Variants in SLC22A24 observed in about 807,000 individuals in gnomAD.
SLC22A24 encodes the protein steroid transmembrane transporter SLC22A24.
Under a neutral mutation model 49.8 loss-of-function variants are expected in SLC22A24, and 53 were observed. The ratio of observed to expected loss-of-function variants is 1.06; its 90% CI spans 0.85 to 1.34. The LOEUF is 1.34. SLC22A24 is among the 40% of genes most tolerant of loss of function. The pLI is 0.00. For synonymous variants in SLC22A24, 302 were observed against 256.4 expected, an observed-to-expected ratio of 1.18 and a Z score of -1.70; for missense variants, 786 against 675.9, an observed-to-expected ratio of 1.16 and a Z score of -1.81.
intron 5 of SLC22A24, among the ~76,000 whole-genome samples, chr11:63,102,535 G>A (rs572864529): frequency 4.8e-4 from 73 of 152,228 alleles, no homozygotes; most frequent in African/African-American, 1.7e-3. Context: ...GGGTTGACAG[G>A]TGATCTGCCA....
At chr11:63,118,789 G>T in intron 4 of SLC22A24, 123 bp downstream of exon 4, 1 of 980,040 alleles carries the variant, frequency 1.0e-6, no homozygotes, top group South Asian at 1.4e-5. Flanking sequence ...GACACAATAG[G>T]TACTATGGAC....
chr11:63,124,730 A>G (rs1431602237), intron 2 of SLC22A24, among the ~76,000 whole-genome samples: 1 of 152,132 alleles, frequency 6.6e-6, no homozygotes, highest in African/African-American at 2.4e-5. Flanking sequence ...AAACATTTCA[A>G]ATTAAAATGT....
At chr11:63,121,217 G>T (rs1444241611) in intron 2 of SLC22A24, among the ~76,000 whole-genome samples, 1 of 152,012 alleles carries the variant, frequency 6.6e-6, no homozygotes. Flanking sequence ...TGGTAATATG[G>T]GAAACTTTGT....
chr11:63,083,203 G>A, intron 7 of SLC22A24, 40 bp downstream of exon 7: 1 of 1,484,274 alleles, frequency 6.7e-7, no homozygotes, highest in African/African-American at 1.4e-5. Context: ...TGGAGAATGG[G>A]GGTAACTACT....
At chr11:63,095,015 G>A in intron 6 of SLC22A24, among the ~76,000 whole-genome samples, 1 of 152,110 alleles carries the variant, frequency 6.6e-6, no homozygotes, top group Admixed American at 6.6e-5. Flanking sequence ...TTTGGCTTTT[G>A]TTGCCATTGC....
intron 1 of SLC22A24, among the ~76,000 whole-genome samples, 197 bp from the exon 2 acceptor site, chr11:63,134,965 A>G (rs760334326): frequency 1.3e-5 from 2 of 152,074 alleles, no homozygotes; most frequent in Non-Finnish European, 2.9e-5. Context: ...CAACTTTTCA[A>G]ATGCATCTGT....
intron 6 of SLC22A24, among the ~76,000 whole-genome samples, chr11:63,094,908 C>A (rs10792386): frequency 0.76 from 115,589 of 151,898 alleles, 44,740 homozygotes; most frequent in East Asian, 0.9. Context: ...TAGGTTGCAA[C>A]AATTTTCTCC....
chr11:63,122,395 C>T (rs1350515975), intron 2 of SLC22A24, among the ~76,000 whole-genome samples: 1 of 152,138 alleles, frequency 6.6e-6, no homozygotes, highest in Non-Finnish European at 1.5e-5. Context: ...GAGGATTATC[C>T]TTTCATTATG....
chr11:63,105,654 G>T (rs1308191193), intron 4 of SLC22A24, among the ~76,000 whole-genome samples: 4 of 152,090 alleles, frequency 2.6e-5, no homozygotes, highest in Non-Finnish European at 4.4e-5. Flanking sequence ...ACACAGCAGG[G>T]GTCCCTTGGT....
At chr11:63,114,248 A>G (rs535741815) in intron 4 of SLC22A24, among the ~76,000 whole-genome samples, 16 of 152,206 alleles carry the variant, frequency 1.1e-4, no homozygotes, top group African/African-American at 3.6e-4. Context: ...TATTTCTTAG[A>G]AGCTTTGTTC....
chr11:63,111,060 G>A (rs947852196), intron 4 of SLC22A24, among the ~76,000 whole-genome samples: 157 of 151,986 alleles, frequency 1.0e-3, no homozygotes, highest in Non-Finnish European at 1.3e-3. Flanking sequence ...TAGCATGAAG[G>A]GTTGTTGAAT....
intron 4 of SLC22A24, among the ~76,000 whole-genome samples, chr11:63,111,276 T>G (rs1414400241): frequency 6.6e-6 from 1 of 152,016 alleles, no homozygotes; most frequent in Admixed American, 6.6e-5. Context: ...GATATTTGCA[T>G]CAATGTTCAT....
At chr11:63,092,627 C>A (rs529427673) in intron 6 of SLC22A24, among the ~76,000 whole-genome samples, 28 of 147,908 alleles carry the variant, frequency 1.9e-4, no homozygotes, top group African/African-American at 6.6e-4. Flanking sequence ...GCTGGGAAAA[C>A]TGGCTATCTT....
chr11:63,105,058 C>G (rs1565328539), intron 4 of SLC22A24, among the ~76,000 whole-genome samples: 2 of 152,234 alleles, frequency 1.3e-5, no homozygotes, highest in African/African-American at 2.4e-5. Flanking sequence ...CAAAATCCAG[C>G]AGGGCAGTCA....
At chr11:63,127,239 G>A (rs756373559) in intron 2 of SLC22A24, among the ~76,000 whole-genome samples, 52 of 151,932 alleles carry the variant, frequency 3.4e-4, no homozygotes, top group Non-Finnish European at 4.4e-4. Flanking sequence ...TTTGGCTTTC[G>A]GTCCTTGTGA....
intron 4 of SLC22A24, among the ~76,000 whole-genome samples, chr11:63,107,194 T>G (rs2087127352): frequency 6.6e-6 from 1 of 152,254 alleles, no homozygotes; most frequent in Non-Finnish European, 1.5e-5. Context: ...AGGGGATCTT[T>G]TCCCCATTTC....
At chr11:63,081,213 C>A (rs2086958185) in intron 8 of SLC22A24, 90 bp from the exon 9 acceptor site, 1 of 1,105,370 alleles carries the variant, frequency 9.0e-7, no homozygotes, top group Non-Finnish European at 1.3e-6. Flanking sequence ...GGGACCAGTA[C>A]AACAGAGTTA....
At chr11:63,136,486 G>A (rs1236402595) in intron 1 of SLC22A24, among the ~76,000 whole-genome samples, 3 of 152,218 alleles carry the variant, frequency 2.0e-5, no homozygotes, top group East Asian at 1.9e-4. Context: ...ATTCGGCTAC[G>A]AAGTTGTGCC....
intron 6 of SLC22A24, among the ~76,000 whole-genome samples, chr11:63,091,383 G>A (rs1590730007): frequency 2.0e-5 from 3 of 152,240 alleles, no homozygotes; most frequent in Admixed American, 2.0e-4. Flanking sequence ...GAGGAAGAGG[G>A]ACTTCTCCCT....
Sources: gnomAD v4.1 joint callset for allele counts (sites outside exome capture counted in the v4.1 genomes callset) on GRCh38, gnomAD v4.1.1 for gene constraint, MANE v1.5 for transcripts, NCBI Gene and HGNC (gene_info 2026-07-23, HGNC 2026-07-21) for gene names.